The following SHC3 variants were observed in gnomAD, a reference collection of about 807,000 sequenced individuals.
SHC3 encodes SHC adaptor protein 3.
SHC3 carries 15 observed loss-of-function variants against 60.4 expected under a neutral mutation model. That is an observed-to-expected ratio of 0.25 (90% CI 0.17 to 0.38). The LOEUF (loss-of-function observed/expected upper bound fraction) is 0.38, where lower values mean the gene tolerates loss of function less well. SHC3 is among the 10% of genes least tolerant of loss of function. The pLI, the probability that SHC3 is intolerant of heterozygous loss-of-function variation, is 1.00. For synonymous variants in SHC3, 294 were observed against 325.9 expected, an observed-to-expected ratio of 0.90 and a Z score of 1.05; for missense variants, 677 against 786.1, an observed-to-expected ratio of 0.86 and a Z score of 1.66.
chr9:89,052,549 C>G (rs1038497773), intron 6 of SHC3, among the ~76,000 whole-genome samples: 3 of 152,124 alleles, frequency 2.0e-5, no homozygotes, highest in African/African-American at 7.2e-5. Context: ...GAACTAGGTC[C>G]CTTCAAACCC....
rs1413730018 is a variant in SHC3, at chr9:89,055,097, TG to T, written c.836-2935del. On this transcript the variant is annotated intron_variant, in intron 6 of 11. Transcript: ENST00000375835. Reference sequence around the variant, plus strand: ...GGCTCTGTAGTCACACTGTAGTAGCTGGGGATGTGGTGGCTTTCAGCCATAT... The same window carrying T: ...GGCTCTGTAGTCACACTGTAGTAGCTGGGATGTGGTGGCTTTCAGCCATAT... Among the ~76,000 whole-genome samples, 3 of 152,256 alleles carry T rather than the reference TG, an allele frequency of 2.0e-5. No individual in the cohort carries two copies. In the East Asian group the frequency reaches 5.8e-4, roughly 29 times the overall value.
At chr9:89,115,071 C>G (rs1826002309) in intron 1 of SHC3, among the ~76,000 whole-genome samples, 1 of 152,134 alleles carries the variant, frequency 6.6e-6, no homozygotes, top group Non-Finnish European at 1.5e-5. Flanking sequence ...ACCATGACCA[C>G]CATCACAGTT....
chr9:89,119,604 A>G (rs901452171), intron 1 of SHC3, among the ~76,000 whole-genome samples: 1 of 152,214 alleles, frequency 6.6e-6, no homozygotes, highest in Non-Finnish European at 1.5e-5. Flanking sequence ...GAAAACTTTA[A>G]TGAAAGGTGA....
chr9:89,071,879 C>G (rs1747081738), intron 4 of SHC3, among the ~76,000 whole-genome samples: 1 of 152,212 alleles, frequency 6.6e-6, no homozygotes, highest in Admixed American at 6.5e-5. Context: ...CCAACGAAGG[C>G]TCTGCCCACA....
chr9:89,169,957 G>A (rs1326008137), intron 1 of SHC3, among the ~76,000 whole-genome samples: 1 of 152,144 alleles, frequency 6.6e-6, no homozygotes, highest in Non-Finnish European at 1.5e-5. Context: ...ATCAGTGTGA[G>A]GCGGGTTAGG....
chr9:89,171,616 A>T (rs1390490274), intron 1 of SHC3, among the ~76,000 whole-genome samples: 1 of 152,252 alleles, frequency 6.6e-6, no homozygotes, highest in Non-Finnish European at 1.5e-5. Context: ...AGTAAGCAGC[A>T]TTATAACAAT....
At chr9:89,056,075 G>A (rs1824944293) in intron 6 of SHC3, among the ~76,000 whole-genome samples, 1 of 152,076 alleles carries the variant, frequency 6.6e-6, no homozygotes, top group African/African-American at 2.4e-5. Flanking sequence ...TTATTATGAT[G>A]GATAAAAATT....
chr9:89,115,721 T>C (rs953698756), intron 1 of SHC3, among the ~76,000 whole-genome samples: 1 of 152,132 alleles, frequency 6.6e-6, no homozygotes, highest in African/African-American at 2.4e-5. Context: ...GTCATGCAAA[T>C]ACCAGGACCA....
intron 11 of SHC3, among the ~76,000 whole-genome samples, chr9:89,035,294 C>T (rs1554689976): frequency 6.6e-6 from 1 of 152,198 alleles, no homozygotes; most frequent in Non-Finnish European, 1.5e-5. Flanking sequence ...AATCTACATA[C>T]ATTCATTGCA....
chr9:89,084,630 T>A (rs926192186), intron 2 of SHC3, among the ~76,000 whole-genome samples: 1 of 152,226 alleles, frequency 6.6e-6, no homozygotes, highest in Admixed American at 6.5e-5. Context: ...AACACTTTCA[T>A]TGAATTATTT....
chr9:89,178,658 G>T lies in SHC3; in HGVS notation c.-198C>A. On this transcript the variant is annotated 5_prime_UTR_variant, in exon 1 of 12. Transcript: ENST00000375835. This position sits in a 1 kb window ranked among gnomAD's most constrained non-coding sequence, Gnocchi z 6.9. ...TAAAAGCCAGCACAGCGGCGGCCGC[G>T]CAGCCCCGGCCCGGGAGACCGCTGC... 1 of 453,226 alleles carries T rather than the reference G, an allele frequency of 2.2e-6. No homozygotes were observed. Among genetic ancestry groups the T allele is most frequent in the Non-Finnish European group, 3.8e-6 (1 of 264,494 alleles). The allele number at this position is 453,226 out of a possible 1,614,324, so 28.1% of individuals were successfully genotyped here.
chr9:89,157,344 T>G (rs777568170), intron 1 of SHC3, among the ~76,000 whole-genome samples: 3 of 152,220 alleles, frequency 2.0e-5, no homozygotes. Flanking sequence ...CAGAGATTAA[T>G]GTGGCCACAG....
At chr9:89,144,280 C>T (rs1257553060) in intron 1 of SHC3, among the ~76,000 whole-genome samples, 1 of 152,190 alleles carries the variant, frequency 6.6e-6, no homozygotes, top group Non-Finnish European at 1.5e-5. Context: ...ATTTTTCCAA[C>T]AGGAATGTAT....
intron 1 of SHC3, among the ~76,000 whole-genome samples, chr9:89,149,840 G>A (rs992483378): frequency 2.0e-5 from 3 of 152,112 alleles, no homozygotes; most frequent in Non-Finnish European, 2.9e-5. Flanking sequence ...CAATTAATAA[G>A]TCTTCCGTTG....
intron 3 of SHC3, 34 bp from the exon 4 acceptor site, chr9:89,075,262 C>A: frequency 1.2e-6 from 2 of 1,608,592 alleles, no homozygotes; most frequent in South Asian, 1.1e-5. Flanking sequence ...TTAGCTGTTT[C>A]ATTTCCATCT....
intron 11 of SHC3, among the ~76,000 whole-genome samples, chr9:89,017,599 T>C (rs945389970): frequency 3.5e-4 from 54 of 152,258 alleles, no homozygotes; most frequent in African/African-American, 1.2e-3. Flanking sequence ...AAAGACTTCA[T>C]GACTAAAATA....
Position 89,112,547 on chromosome 9 carries a change from A to AGGGCTT in SHC3, c.545+3_545+8dup. 1 of 1,606,016 alleles carries AGGGCTT rather than the reference A, an allele frequency of 6.2e-7. No individual in the cohort carries two copies. Among genetic ancestry groups the AGGGCTT allele is most frequent in the African/African-American group, 1.3e-5 (1 of 74,522 alleles). ...AAAATCACAGGAGTCCATTTTCAAG[A>AGGGCTT]GGGCTTACCTGGTAATTTGTGTTCT... On this transcript the variant is annotated intron_variant, in intron 2 of 11. Transcript: ENST00000375835.
intron 1 of SHC3, among the ~76,000 whole-genome samples, chr9:89,114,909 TA>T (rs1826000152): frequency 6.6e-6 from 1 of 152,164 alleles, no homozygotes; most frequent in Admixed American, 6.6e-5. Context: ...TGAATACCAC[TA>T]CCACTGATGT....
chr9:89,115,517 G>A (rs1253477009), intron 1 of SHC3, among the ~76,000 whole-genome samples: 1 of 152,140 alleles, frequency 6.6e-6, no homozygotes, highest in African/African-American at 2.4e-5. Context: ...GCCACCAATA[G>A]AGAATTATGT....
Sources: allele counts gnomAD v4.1 joint callset (sites outside exome capture counted in the v4.1 genomes callset), GRCh38; gene constraint gnomAD v4.1.1; non-coding constraint Gnocchi (gnomAD v3.1); transcripts MANE v1.5; gene names NCBI Gene and HGNC (gene_info 2026-07-23, HGNC 2026-07-21).